Variants in ATAD2B observed in about 807,000 individuals in gnomAD.
ATAD2B encodes the protein ATPase family AAA domain-containing protein 2B.
In ATAD2B, 40 loss-of-function variants were observed where a neutral mutation model predicts 167.6. The ratio of observed to expected loss-of-function variants is 0.24; its 90% confidence interval spans 0.19 to 0.31. ATAD2B has a LOEUF of 0.31. Ranked by LOEUF, ATAD2B falls within the 10% of genes least tolerant of loss-of-function variation. The probability of loss-of-function intolerance (pLI) is 1.00; values close to 1 mark genes in which losing one functional copy is unlikely to be tolerated. For missense variants in ATAD2B, 1,242 were observed against 1,757.2 expected (o/e 0.71, Z 5.24); for synonymous variants, 579 against 596.5 (o/e 0.97, Z 0.43).
chr2:23,713,053 C>A, the ATAD2B span, among the ~76,000 whole-genome samples: 8 of 152,356 alleles, frequency 5.3e-5, no homozygotes, highest in African/African-American at 1.2e-4. Flanking sequence ...TGTAGCCAGC[C>A]CTGCAGCCTA....
rs757404073 is a variant in ATAD2B, at chr2:23,867,907, G to A, written c.1116C>T (p.Ser372=). The change falls in exon 10 of 28, where the codon AGC becomes AGT. Residue 372 remains serine (S), a synonymous_variant. Transcript: ENST00000238789. Reference sequence around the variant, plus strand: ...CTTTCACTCGTTCTCGGAGAATACCGCTAGCTAAGTCCTCTGCTCTGAAGT... The same window carrying A: ...CTTTCACTCGTTCTCGGAGAATACCACTAGCTAAGTCCTCTGCTCTGAAGT... ...PMNFRAEDLA[S]GILRERVKVG... is the part of the protein sequence containing the mutation. 1.7e-5 allele frequency: 28 copies of A among 1,613,494 alleles called. No individual in the cohort carries two copies. The highest frequency in any genetic ancestry group is 2.3e-5 in the Non-Finnish European group (27 of 1,179,696).
intron 27 of ATAD2B, among the ~76,000 whole-genome samples, chr2:23,752,563 T>C (rs1305219821): frequency 6.6e-6 from 1 of 151,860 alleles, no homozygotes; most frequent in African/African-American, 2.4e-5. Flanking sequence ...AACGTATTAC[T>C]ATCAGGTCCA....
intron 17 of ATAD2B, among the ~76,000 whole-genome samples, chr2:23,819,026 T>A (rs1687031483): frequency 6.6e-6 from 1 of 152,216 alleles, no homozygotes; most frequent in Non-Finnish European, 1.5e-5. Context: ...CTTAGAGACC[T>A]AAATGATCAT....
Position 23,921,120 on chromosome 2 carries a change from TGCTTGAACCTGG to T in ATAD2B, c.216+5423_216+5434del, listed in dbSNP as rs1311234723. Among the ~76,000 whole-genome samples the T allele has an allele frequency of 2.1e-5, 3 of 144,068 alleles. No homozygotes were observed. In the Admixed American group the frequency reaches 2.3e-4, roughly 11 times the overall value. 94.5% of individuals were successfully genotyped at this position (144,068 alleles called of 152,430 possible). A position where few individuals can be genotyped will look rare whatever the true frequency, so the allele number is the denominator to read the frequency against. On this transcript the variant is annotated intron_variant, in intron 1 of 27. Coordinates refer to ENST00000238789, the MANE Select transcript of ATAD2B (RefSeq NM_017552.4). ...ACTTGGGAGGCTGAGGCAGCAGAAT[TGCTTGAACCTGG>T]GAAGCGGAGGTTGCAGTAAGCTAAG... is the stretch of plus-strand genomic sequence containing the variant.
chr2:23,824,923 CAACA>C (rs1688014683), intron 15 of ATAD2B, among the ~76,000 whole-genome samples: 1 of 152,006 alleles, frequency 6.6e-6, no homozygotes, highest in African/African-American at 2.4e-5. Context: ...AACTAAGCTT[CAACA>C]AACAATACCA....
intron 1 of ATAD2B, chr2:23,900,570 C>G (rs1383335172): frequency 6.6e-6 from 1 of 152,224 alleles, no homozygotes; most frequent in African/African-American, 2.4e-5. Context: ...ACCCTCAGAT[C>G]CACTGAATCA....
rs575381446 is a variant in ATAD2B, at chr2:23,763,596, G to T, written c.3257-1250C>A. On this transcript the variant is annotated intron_variant, in intron 23 of 27. Transcript: ENST00000238789. ...TTTTTACTTAGCATAATGTTTTGGG[G>T]TTTTTTTTGTTGAGACAACATCTTG... Among the ~76,000 whole-genome samples the T allele has an allele frequency of 6.5e-4, 98 of 151,848 alleles. 1 individual carries two copies. The South Asian group carries it at 0.013, about 20-fold the overall frequency.
chr2:23,878,025 A>AAAAAAAAAAAAAAAAT (rs1558714074), intron 7 of ATAD2B, among the ~76,000 whole-genome samples: 1 of 106,972 alleles, frequency 9.3e-6, no homozygotes, highest in Admixed American at 1.4e-4. Context: ...AAAAAAAAAA[A>AAAAAAAAAAAAAAAAT]AAAAAAAAAA....
intron 1 of ATAD2B, among the ~76,000 whole-genome samples, chr2:23,918,400 T>C (rs994103610): frequency 4.0e-5 from 6 of 151,888 alleles, no homozygotes; most frequent in African/African-American, 1.5e-4. Context: ...CATATATGCC[T>C]ACTATGTACC....
the ATAD2B span, among the ~76,000 whole-genome samples, chr2:23,738,436 A>G: frequency 2.0e-5 from 3 of 152,216 alleles, no homozygotes; most frequent in Non-Finnish European, 4.4e-5. Flanking sequence ...AGAATTTCAT[A>G]TCCAGCCAAA....
At chr2:23,880,793 T>C in intron 6 of ATAD2B, 38 bp from the exon 7 acceptor site, 2 of 1,237,546 alleles carry the variant, frequency 1.6e-6, no homozygotes, top group South Asian at 1.3e-5. Flanking sequence ...AAAAAGGCAT[T>C]ATTTTAATTC....
rs996124374 is a variant in ATAD2B, at chr2:23,798,696, CAT to C, written c.2455-375_2455-374del. Among the ~76,000 whole-genome samples, 6 of 152,134 alleles carry C rather than the reference CAT, an allele frequency of 3.9e-5. No homozygotes were observed. In the South Asian group the frequency reaches 6.2e-4, roughly 16 times the overall value. On this transcript the variant is annotated intron_variant, in intron 18 of 27. Coordinates refer to ENST00000238789, the MANE Select transcript of ATAD2B (RefSeq NM_017552.4). ...GAGATAAACATACACCTATGGCACT[CAT>C]GTGATATCAGTAAACTTTACAAAAA...
chr2:23,754,508 T>A, intron 26 of ATAD2B, 139 bp downstream of exon 26: 1 of 1,192,854 alleles, frequency 8.4e-7, no homozygotes, highest in East Asian at 2.5e-5. Flanking sequence ...AAAATACACA[T>A]AACTCTTTTT....
chr2:23,687,830 C>T, the ATAD2B span, among the ~76,000 whole-genome samples: 344 of 152,206 alleles, frequency 2.3e-3, 1 homozygote, highest in Middle Eastern at 6.8e-3. Context: ...GCAGGGGACG[C>T]GGCTGGAGGG....
the ATAD2B span, among the ~76,000 whole-genome samples, chr2:23,702,439 T>C: frequency 6.6e-6 from 1 of 152,208 alleles, no homozygotes; most frequent in Non-Finnish European, 1.5e-5. Flanking sequence ...TTTTGCACCA[T>C]GATAAAGTCA....
At chr2:23,914,618 T>C (rs1702769564) in intron 1 of ATAD2B, among the ~76,000 whole-genome samples, 1 of 151,968 alleles carries the variant, frequency 6.6e-6, no homozygotes, top group Non-Finnish European at 1.5e-5. Flanking sequence ...GGCAGGCAGA[T>C]CATGAGGTCA....
At chr2:23,893,664 A>G (rs1305126399) in intron 2 of ATAD2B, among the ~76,000 whole-genome samples, 13 of 149,006 alleles carry the variant, frequency 8.7e-5, no homozygotes, top group Non-Finnish European at 7.4e-5. Context: ...AAAAAAAAAA[A>G]AACTTTTTTT....
rs562506795 is a variant in ATAD2B at position 23,885,814 on chromosome 2, T to G, written c.588A>C (p.Val196=). 2 of 1,583,584 alleles carry G rather than the reference T, an allele frequency of 1.3e-6. No homozygotes were observed. The highest frequency in any genetic ancestry group is 1.7e-6 in the Non-Finnish European group (2 of 1,161,552). ...DQLVNSTAEA[V]LQEMDNINIR... ...TGTTAATGTTGTCCATTTCCTGTAGTACAGCTTCAGCAGTGCTACAATCAC... is the reference window on the plus strand; with the variant it reads ...TGTTAATGTTGTCCATTTCCTGTAGGACAGCTTCAGCAGTGCTACAATCAC... Residue 196 remains valine, a synonymous_variant, in exon 5 of 28, where the codon GTA becomes GTC. Transcript: ENST00000238789.
At chr2:23,911,842 G>A (rs1212604974) in intron 1 of ATAD2B, among the ~76,000 whole-genome samples, 2 of 151,972 alleles carry the variant, frequency 1.3e-5, no homozygotes, top group Non-Finnish European at 1.5e-5. Context: ...AGGTGTGGTG[G>A]TGCATGCCTG....
Sources: gnomAD v4.1 joint callset for allele counts (sites outside exome capture counted in the v4.1 genomes callset) on GRCh38, gnomAD v4.1.1 for gene constraint, MANE v1.5 for transcripts, NCBI Gene and HGNC (gene_info 2026-07-23, HGNC 2026-07-21) for gene names.